The following E2F5 variants were observed in gnomAD, a reference collection of about 807,000 sequenced individuals.
E2F5 encodes transcription factor E2F5.
A neutral mutation model predicts 39.1 loss-of-function variants in E2F5; 23 were observed. The observed-to-expected ratio is 0.59, with a 90% CI of 0.42 to 0.83. The LOEUF is 0.83. Among genes scored for constraint, E2F5 ranks in the 40% least tolerant of loss-of-function variants. E2F5 has a pLI of 0.00. For missense variants in E2F5, 365 were observed against 406.7 expected, an observed-to-expected ratio of 0.90 and a Z score of 0.88; for synonymous variants, 145 against 157.8, an observed-to-expected ratio of 0.92 and a Z score of 0.61.
intron 1 of E2F5, among the ~76,000 whole-genome samples, chr8:85,185,195 C>T (rs577993658): frequency 6.6e-6 from 1 of 152,186 alleles, no homozygotes; most frequent in African/African-American, 2.4e-5. Flanking sequence ...ACAGAGGCCT[C>T]GGAAATAAAC....
intron 1 of E2F5, among the ~76,000 whole-genome samples, chr8:85,182,168 G>T (rs1812234042): frequency 6.6e-6 from 1 of 152,168 alleles, no homozygotes; most frequent in African/African-American, 2.4e-5. Context: ...AGTGAGATAA[G>T]AAATTATATC....
At chr8:85,197,495 T>A (rs1212661856) in intron 1 of E2F5, among the ~76,000 whole-genome samples, 1 of 152,220 alleles carries the variant, frequency 6.6e-6, no homozygotes, top group Non-Finnish European at 1.5e-5. Context: ...GGTTCATTTG[T>A]CTTGAGCACC....
chr8:85,211,585 T>C (rs1326064018), intron 6 of E2F5, among the ~76,000 whole-genome samples: 1 of 150,502 alleles, frequency 6.6e-6, no homozygotes, highest in Admixed American at 6.6e-5. Context: ...GGGAGAATTA[T>C]GAAACTACTG....
At position 85,196,320 on chromosome 8, in the gene E2F5, T is replaced by C. The variant is rs1812578792; in HGVS notation, c.235-5827T>C. On this transcript the variant is annotated intron_variant, in intron 1 of 7. Coordinates refer to ENST00000416274, the MANE Select transcript of E2F5 (RefSeq NM_001951.4). ...CCTTAAGTAATCTCTCATTTTTCTA[T>C]CTCTTATAACATTTTGTCTACTTTA... Among the ~76,000 whole-genome samples, 3 of 152,346 alleles carry C rather than the reference T, an allele frequency of 2.0e-5. No individual in the cohort carries two copies. The South Asian group carries it at 6.2e-4, about 32-fold the overall frequency.
intron 1 of E2F5, among the ~76,000 whole-genome samples, chr8:85,189,756 G>T (rs746912674): frequency 2.0e-5 from 3 of 152,120 alleles, no homozygotes; most frequent in African/African-American, 7.2e-5. Context: ...TTATTAGTAG[G>T]TATATAAGTT....
chr8:85,178,521 T>C (rs1812134579), intron 1 of E2F5, among the ~76,000 whole-genome samples: 1 of 152,170 alleles, frequency 6.6e-6, no homozygotes, highest in Non-Finnish European at 1.5e-5. Context: ...CTCAGGATAA[T>C]GAGAATGTGG....
chr8:85,190,711 T>G (rs1812443801), intron 1 of E2F5, among the ~76,000 whole-genome samples: 1 of 151,712 alleles, frequency 6.6e-6, no homozygotes, highest in Non-Finnish European at 1.5e-5. Flanking sequence ...ACCGTATTGG[T>G]CAGGCTGGTC....
chr8:85,212,164 T>C lies in E2F5; in HGVS notation c.891T>C (p.Ser297=). 2.5e-6 allele frequency: 4 copies of C among 1,610,248 alleles called. No homozygotes were observed. The highest frequency in any genetic ancestry group is 3.4e-6 in the Non-Finnish European group (4 of 1,177,852). The change falls in exon 7 of 8, where the codon TCT becomes TCC. Residue 297 remains serine, a synonymous_variant. Transcript: ENST00000416274. Reference sequence around the variant, plus strand: ...CTTTATTACTGTTTCCAGCAGGATCTATTAGTGGAGATATCATTGATGAGT... The same window carrying C: ...CTTTATTACTGTTTCCAGCAGGATCCATTAGTGGAGATATCATTGATGAGT... ...TSATDISSAG[S]ISGDIIDELM... is the part of the protein sequence containing the mutation.
chr8:85,210,328 CCTTT>C (rs1812888708), intron 6 of E2F5, among the ~76,000 whole-genome samples: 1 of 152,112 alleles, frequency 6.6e-6, no homozygotes, highest in African/African-American at 2.4e-5. Context: ...CACATCTATT[CCTTT>C]CTTTCCCCTA....
At chr8:85,189,473 G>A (rs1428298679) in intron 1 of E2F5, among the ~76,000 whole-genome samples, 1 of 152,036 alleles carries the variant, frequency 6.6e-6, no homozygotes, top group Non-Finnish European at 1.5e-5. Flanking sequence ...AGGCTCAAGC[G>A]AGTCTCCTGC....
At position 85,212,159 on chromosome 8, in the gene E2F5, G is replaced by A; in HGVS notation, c.886G>A (p.Gly296Arg). The change falls in exon 7 of 8, where the codon GGA (glycine) becomes AGA (arginine). Residue 296 changes from glycine to arginine, a missense_variant and splice_region_variant. Physicochemically the swap from Gly to Arg is moderately radical, Grantham distance 125 (BLOSUM62 -2). Coordinates refer to ENST00000416274, the MANE Select transcript of E2F5 (RefSeq NM_001951.4). ...QTSATDISSA[G>R]SISGDIIDEL... is the part of the protein sequence containing the mutation. Reference sequence around the variant, plus strand: ...CAAAACTTTATTACTGTTTCCAGCAGGATCTATTAGTGGAGATATCATTGA... The same window carrying A: ...CAAAACTTTATTACTGTTTCCAGCAAGATCTATTAGTGGAGATATCATTGA... 6.2e-7 allele frequency: 1 copy of A among 1,608,978 alleles called. No homozygotes were observed. Among genetic ancestry groups the A allele is most frequent in the South Asian group, 1.1e-5 (1 of 89,922 alleles).
At chr8:85,180,456 T>C (rs1246360167) in intron 1 of E2F5, among the ~76,000 whole-genome samples, 1 of 148,000 alleles carries the variant, frequency 6.8e-6, no homozygotes, top group Non-Finnish European at 1.5e-5. Flanking sequence ...AGCATAATTT[T>C]TTTGAAACTT....
At chr8:85,211,936 C>G (rs1486126251) in intron 6 of E2F5, among the ~76,000 whole-genome samples, 1 of 152,044 alleles carries the variant, frequency 6.6e-6, no homozygotes, top group Non-Finnish European at 1.5e-5. Flanking sequence ...AGCCACCATG[C>G]CTGGCAGATA....
intron 6 of E2F5, among the ~76,000 whole-genome samples, chr8:85,211,286 G>A (rs542815765): frequency 1.4e-3 from 216 of 151,572 alleles, no homozygotes; most frequent in African/African-American, 5.2e-3. Flanking sequence ...TGTGGTCCCA[G>A]CTACTGGGGA....
chr8:85,203,546 T>C (rs1486412208), intron 3 of E2F5, among the ~76,000 whole-genome samples: 1 of 152,048 alleles, frequency 6.6e-6, no homozygotes, highest in African/African-American at 2.4e-5. Context: ...GCCAGTGTGC[T>C]TAGGAAATCT....
chr8:85,181,217 T>G (rs1156416094), intron 1 of E2F5, among the ~76,000 whole-genome samples: 1 of 152,168 alleles, frequency 6.6e-6, no homozygotes, highest in East Asian at 1.9e-4. Flanking sequence ...AAACTTCAAG[T>G]AAAATATCCA....
At chr8:85,178,632 G>A (rs1237015251) in intron 1 of E2F5, among the ~76,000 whole-genome samples, 2 of 152,228 alleles carry the variant, frequency 1.3e-5, no homozygotes, top group Admixed American at 6.5e-5. Context: ...CTCCCTAAAT[G>A]TGGCCTTACT....
Position 85,183,987 on chromosome 8 carries a change from A to G in E2F5, c.234+6333A>G, listed in dbSNP as rs4150854. On this transcript the variant is annotated intron_variant, in intron 1 of 7. Transcript: ENST00000416274. ...CCTCAGATGCTGCCACCCAGAGGAA[A>G]GACCATGTGAGGACACAGCAGGAAG... is the stretch of plus-strand genomic sequence containing the variant. 2.6e-4 allele frequency among the ~76,000 whole-genome samples: 40 copies of G among 152,324 alleles called. No individual in the cohort carries two copies. In the Middle Eastern group the frequency reaches 0.01, roughly 39 times the overall value.
chr8:85,203,915 A>G (rs1326859083), intron 3 of E2F5, among the ~76,000 whole-genome samples: 2 of 150,614 alleles, frequency 1.3e-5, no homozygotes, highest in East Asian at 3.9e-4. Context: ...CTTACAAACC[A>G]CCGTCTTCTC....
Sources: allele counts gnomAD v4.1 joint callset (sites outside exome capture counted in the v4.1 genomes callset), GRCh38; gene constraint gnomAD v4.1.1; transcripts MANE v1.5; gene names NCBI Gene and HGNC (gene_info 2026-07-23, HGNC 2026-07-21).